Variants in PTBP1 observed in about 807,000 individuals in gnomAD.
PTBP1 encodes polypyrimidine tract binding protein 1, also known as polypyrimidine tract-binding protein 1.
PTBP1 carries 8 observed loss-of-function variants against 59.8 expected under a neutral mutation model. The ratio of observed to expected loss-of-function variants is 0.13; its 90% CI spans 0.08 to 0.24. PTBP1 has a LOEUF of 0.24. PTBP1 is among the 10% of genes least tolerant of loss of function. The pLI is 1.00. For missense variants in PTBP1, 686 were observed against 767.0 expected, an observed-to-expected ratio of 0.89 and a Z score of 1.25; for synonymous variants, 490 against 320.7, an observed-to-expected ratio of 1.53 and a Z score of -5.64.
At chr19:806,040 C>A (rs531682877) in intron 9 of PTBP1, 2 of 237,504 alleles carry the variant, frequency 8.4e-6, no homozygotes, top group South Asian at 1.8e-4. Flanking sequence ...TGCCGCCCGG[C>A]GGCCGCCTCG....
chr19:810,561 G>C lies in PTBP1; in HGVS notation c.1482G>C (p.Glu494Asp). 6.2e-7 allele frequency: 1 copy of C among 1,613,430 alleles called. No individual in the cohort carries two copies. Among genetic ancestry groups the C allele is most frequent in the South Asian group, 1.1e-5 (1 of 90,966 alleles). ...CCCACAGGCCCTCAGTCTCCGAGGA[G>C]GATCTCAAGGTCCTGTTTTCCAGCA... The part of the protein sequence containing the change: ...LSNIPPSVSE[E>D]DLKVLFSSNG... The change falls in exon 14 of 15, where the codon GAG (glutamate) becomes GAC (aspartate). Residue 494 changes from glutamate (E) to aspartate (D), a missense_variant. Coordinates refer to ENST00000356948, the MANE Select transcript of PTBP1 (RefSeq NM_002819.5).
chr19:804,990 T>C (rs1160272912), intron 7 of PTBP1, 23 bp from the exon 8 acceptor site: 5 of 1,612,416 alleles, frequency 3.1e-6, no homozygotes, highest in Non-Finnish European at 4.2e-6. Flanking sequence ...CCCGGCGACG[T>C]CTCACGGTCC....
chr19:800,918 T>A (rs2034304033), intron 2 of PTBP1, among the ~76,000 whole-genome samples: 1 of 152,038 alleles, frequency 6.6e-6, no homozygotes, highest in Non-Finnish European at 1.5e-5. Flanking sequence ...ACTTGAAGCC[T>A]GCGGGAGGGA....
At position 810,868 on chromosome 19, in the gene PTBP1, C is replaced by T. The variant is rs747502754; in HGVS notation, c.*42C>T. 22 of 1,493,538 alleles carry T rather than the reference C, an allele frequency of 1.5e-5. No homozygotes were observed. The highest frequency in any genetic ancestry group is 2.7e-5 in the South Asian group (2 of 73,400). 92.5% of individuals were successfully genotyped at this position (1,493,538 alleles called of 1,614,324 possible). On this transcript the variant is annotated 3_prime_UTR_variant, in exon 15 of 15. Transcript: ENST00000356948. The stretch of plus-strand genomic sequence containing the variant: ...GGCCGGGCCCCCTGGCGACAACTTC[C>T]ATCATTCCAGAGAAAAGCCACTTTA...
intron 2 of PTBP1, among the ~76,000 whole-genome samples, chr19:801,045 C>A (rs2034310230): frequency 2.0e-5 from 3 of 151,350 alleles, no homozygotes; most frequent in African/African-American, 7.3e-5. Context: ...GAGCCCTCAG[C>A]TGACCTGGGC....
At position 806,826 on chromosome 19, in the gene PTBP1, C is replaced by T. The variant is rs553156357; in HGVS notation, c.1119+270C>T. On this transcript the variant is annotated intron_variant, in intron 10 of 14. Coordinates refer to ENST00000356948, the MANE Select transcript of PTBP1 (RefSeq NM_002819.5). ...TTACCCAAAGGCAATCTAAAAATTA[C>T]TTGGAGCTGAGCAGGGCGCGCAGTT... The T allele has an allele frequency of 9.7e-5, 36 of 371,072 alleles. No individual in the cohort carries two copies. The Middle Eastern group carries it at 4.3e-3, about 44-fold the overall frequency. 23.0% of individuals were successfully genotyped at this position (371,072 alleles called of 1,614,324 possible).
intron 2 of PTBP1, among the ~76,000 whole-genome samples, chr19:801,779 C>T (rs1039284549): frequency 1.3e-5 from 2 of 152,210 alleles, no homozygotes; most frequent in African/African-American, 2.4e-5. Context: ...CCTGGCACTG[C>T]TGTGTTTTCT....
intron 2 of PTBP1, among the ~76,000 whole-genome samples, chr19:801,163 A>T (rs1051704797): frequency 1.3e-5 from 2 of 152,172 alleles, no homozygotes; most frequent in Admixed American, 1.3e-4. Flanking sequence ...TGCAGACTGG[A>T]AGTCCTGGGG....
chr19:797,625 C>T, intron 1 of PTBP1, 120 bp downstream of exon 1: 1 of 594,762 alleles, frequency 1.7e-6, no homozygotes, highest in Non-Finnish European at 2.4e-6. Flanking sequence ...GGGCGGCGGG[C>T]TCTCCCCTTC....
chr19:812,210 T>C lies in PTBP1; in HGVS notation c.*1384T>C, dbSNP rs1464615512. 1 of 152,436 alleles carries C rather than the reference T, an allele frequency of 6.6e-6. No individual in the cohort carries two copies. The highest frequency in any genetic ancestry group is 6.5e-5 in the Admixed American group (1 of 15,280). The allele number at this position is 152,436 out of a possible 1,614,324, so 9.4% of individuals were successfully genotyped here. On this transcript the variant is annotated 3_prime_UTR_variant, in exon 15 of 15. Transcript: ENST00000356948. ...ACGCGGAGAGAACCGATTAAAACCG[T>C]TTGAGAAACTCCTCCCTTGTCTAGC...
rs372458117 is a variant in PTBP1, at chr19:806,561, G to A, written c.1119+5G>A. 40 of 1,497,408 alleles carry A rather than the reference G, an allele frequency of 2.7e-5. No individual in the cohort carries two copies. Among genetic ancestry groups the A allele is most frequent in the Non-Finnish European group, 3.6e-5 (40 of 1,123,742 alleles). 92.8% of individuals were successfully genotyped at this position (1,497,408 alleles called of 1,614,324 possible). The stretch of plus-strand genomic sequence containing the variant: ...GTCAGCAACCTCAACCCAGAGGTAC[G>A]TGGGCTTTTCCTCCGCGCCGCCGTT... On this transcript the variant is annotated splice_donor_5th_base_variant and intron_variant, in intron 10 of 14. Transcript: ENST00000356948.
rs751982965 is a variant in PTBP1, at chr19:804,741, TA to T, written c.606+40del. On this transcript the variant is annotated intron_variant, in intron 6 of 14. Coordinates refer to ENST00000356948, the MANE Select transcript of PTBP1 (RefSeq NM_002819.5). ...ATCACCGCCAGGGCAGGTCGGCTGC[TA>T]TTGCTGTGGGCACAGGCACACGGGA... 15 of 1,609,926 alleles carry T rather than the reference TA, an allele frequency of 9.3e-6. No homozygotes were observed. The African/African-American group carries it at 1.6e-4, about 17-fold the overall frequency.
rs1322416176 is a variant in PTBP1 at position 805,508 on chromosome 19, C to T, written c.909C>T (p.Ile303=). The T allele has an allele frequency of 1.9e-6, 3 of 1,613,520 alleles. No individual in the cohort carries two copies. The highest frequency in any genetic ancestry group is 2.7e-5 in the African/African-American group (2 of 74,926). Residue 303 remains isoleucine (I), a synonymous_variant, in exon 9 of 15, where the codon ATC becomes ATT. Coordinates refer to ENST00000356948, the MANE Select transcript of PTBP1 (RefSeq NM_002819.5). ...TATTTCTAGGTGCACCTGGTATAAT[C>T]TCAGCCTCTCCGTATGCAGGAGCTG... ...MAAAFGAPGI[I]SASPYAGAGF... is the part of the protein sequence containing the mutation.
intron 2 of PTBP1, among the ~76,000 whole-genome samples, chr19:802,799 G>A (rs1439772946): frequency 2.0e-5 from 3 of 152,186 alleles, no homozygotes; most frequent in Admixed American, 1.3e-4. Context: ...CCTGAGCCTA[G>A]GATCAGTCTA....
Position 806,496 on chromosome 19 carries a change from C to T in PTBP1, c.1059C>T (p.Ala353=), listed in dbSNP as rs1407872318. 4 of 1,578,742 alleles carry T rather than the reference C, an allele frequency of 2.5e-6. No individual in the cohort carries two copies. The highest frequency in any genetic ancestry group is 2.8e-5 in the African/African-American group (2 of 71,492). ...CAGCTGCGGCGGCAGGTCGGATCGC[C>T]ATCCCGGGCCTGGCGGGGGCAGGAA... ...AAAAAAAGRI[A]IPGLAGAGNS... Residue 353 remains alanine, a synonymous_variant, in exon 10 of 15, where the codon GCC becomes GCT. Coordinates refer to ENST00000356948, the MANE Select transcript of PTBP1 (RefSeq NM_002819.5).
At chr19:802,719 G>A (rs1205187451) in intron 2 of PTBP1, among the ~76,000 whole-genome samples, 1 of 152,202 alleles carries the variant, frequency 6.6e-6, no homozygotes, top group Non-Finnish European at 1.5e-5. Context: ...CGTAACCAAC[G>A]TCTCCTCCAA....
At chr19:799,766 G>GT (rs1339512628) in intron 2 of PTBP1, among the ~76,000 whole-genome samples, 3 of 152,202 alleles carry the variant, frequency 2.0e-5, no homozygotes, top group African/African-American at 7.2e-5. Flanking sequence ...GAATCGTGCC[G>GT]TTCAGTGGGA....
intron 1 of PTBP1, among the ~76,000 whole-genome samples, chr19:798,153 A>G (rs2034163918): frequency 6.6e-6 from 1 of 151,236 alleles, no homozygotes; most frequent in Non-Finnish European, 1.5e-5. Flanking sequence ...ATCTCGGGAG[A>G]GAAGCGGCCG....
At chr19:806,225 A>G (rs1480832142) in intron 9 of PTBP1, 183 bp from the exon 10 acceptor site, 1 of 573,306 alleles carries the variant, frequency 1.7e-6, no homozygotes, top group Admixed American at 4.1e-5. Flanking sequence ...GCGCTGGTGC[A>G]GGAGCCGGCG....
Sources: allele counts gnomAD v4.1 joint callset (sites outside exome capture counted in the v4.1 genomes callset), GRCh38; gene constraint gnomAD v4.1.1; transcripts MANE v1.5; gene names NCBI Gene and HGNC (gene_info 2026-07-23, HGNC 2026-07-21).